HMBOX1: variants seen among roughly 807,000 people sequenced by gnomAD.
HMBOX1 encodes the protein homeobox-containing protein 1.
Under a neutral mutation model 54.5 loss-of-function variants are expected in HMBOX1, and 14 were observed. The observed-to-expected ratio is 0.26, with a 90% CI of 0.17 to 0.40. The LOEUF (loss-of-function observed/expected upper bound fraction) is 0.40, where lower values mean the gene tolerates loss of function less well. Ranked by LOEUF, HMBOX1 falls within the 10% of genes least tolerant of loss-of-function variation. HMBOX1 has a pLI of 1.00. For missense variants in HMBOX1, 332 were observed against 514.4 expected (o/e 0.65, Z 3.43); for synonymous variants, 160 against 181.0 (o/e 0.88, Z 0.93).
chr8:28,893,580 A>G (rs998589996), intron 1 of HMBOX1, among the ~76,000 whole-genome samples: 1 of 152,214 alleles, frequency 6.6e-6, no homozygotes, highest in Non-Finnish European at 1.5e-5. Flanking sequence ...TCACTGCTGT[A>G]CAAACAGATT....
At chr8:29,047,711 G>C (rs1805800617) in intron 8 of HMBOX1, among the ~76,000 whole-genome samples, 1 of 151,946 alleles carries the variant, frequency 6.6e-6, no homozygotes, top group African/African-American at 2.4e-5. Flanking sequence ...GGGATTATAG[G>C]CATGTGCCAC....
At chr8:29,045,297 A>G in intron 6 of HMBOX1, 64 bp from the exon 7 acceptor site, 1 of 1,195,742 alleles carries the variant, frequency 8.4e-7, no homozygotes, top group Non-Finnish European at 1.2e-6. Context: ...TCAGTGAGTT[A>G]GTGTTTTAAT....
chr8:28,898,486 T>C (rs1293654793), intron 1 of HMBOX1, among the ~76,000 whole-genome samples: 1 of 152,204 alleles, frequency 6.6e-6, no homozygotes, highest in Non-Finnish European at 1.5e-5. Flanking sequence ...GTTGTAGGGA[T>C]TCAGCTGTTT....
intron 1 of HMBOX1, chr8:28,949,699 A>ATT (rs1201748756): frequency 6.6e-6 from 1 of 152,228 alleles, no homozygotes; most frequent in Non-Finnish European, 1.5e-5. Context: ...GTAGCAGCTG[A>ATT]GGCTGCAGCA....
intron 1 of HMBOX1, among the ~76,000 whole-genome samples, chr8:28,933,645 G>T (rs1206960963): frequency 1.3e-5 from 2 of 152,144 alleles, no homozygotes; most frequent in Non-Finnish European, 2.9e-5. Context: ...AACGTTGGAA[G>T]AATAATAAGA....
At chr8:29,003,266 G>A (rs1832903577) in intron 4 of HMBOX1, among the ~76,000 whole-genome samples, 1 of 151,718 alleles carries the variant, frequency 6.6e-6, no homozygotes, top group Admixed American at 6.6e-5. Flanking sequence ...TGTACATAGA[G>A]TGTCATTGCA....
chr8:29,051,142 T>C lies in HMBOX1; in HGVS notation c.1250T>C (p.Leu417Pro). The change falls in exon 10 of 10, where the codon CTG becomes CCG. Residue 417 changes from leucine to proline, a missense_variant. Coordinates refer to ENST00000287701, the MANE Select transcript of HMBOX1 (RefSeq NM_001135726.3). ...QGANEIKTEA[L>P]DDD ...GCCAACGAAATCAAGACAGAGGCCC[T>C]GGATGATGACTGATCAGGGAGGTTA... The C allele has an allele frequency of 6.2e-7, 1 of 1,613,894 alleles. No homozygotes were observed. Among genetic ancestry groups the C allele is most frequent in the Non-Finnish European group, 8.5e-7 (1 of 1,179,984 alleles).
chr8:28,911,522 A>AT (rs1407265702), intron 1 of HMBOX1, among the ~76,000 whole-genome samples: 9 of 152,000 alleles, frequency 5.9e-5, no homozygotes, highest in African/African-American at 1.9e-4. Flanking sequence ...TGCCCTGCTA[A>AT]TTTTTGTATT....
At chr8:28,956,681 C>G (rs769751226) in intron 1 of HMBOX1, among the ~76,000 whole-genome samples, 12 of 152,220 alleles carry the variant, frequency 7.9e-5, no homozygotes, top group Admixed American at 2.0e-4. Flanking sequence ...GTGTGCGTTT[C>G]TATGCCAGTG....
chr8:28,902,898 C>A (rs1163619005), intron 1 of HMBOX1, among the ~76,000 whole-genome samples: 1 of 152,136 alleles, frequency 6.6e-6, no homozygotes, highest in East Asian at 1.9e-4. Context: ...TGCAACGTGC[C>A]ATACCAAAAG....
At chr8:28,979,523 G>T (rs1251902561) in intron 3 of HMBOX1, among the ~76,000 whole-genome samples, 2 of 152,148 alleles carry the variant, frequency 1.3e-5, no homozygotes, top group Non-Finnish European at 2.9e-5. Flanking sequence ...TACAGGAAAA[G>T]AAGTTAAAGA....
At chr8:29,020,121 C>T (rs1800948180) in intron 6 of HMBOX1, among the ~76,000 whole-genome samples, 1 of 152,174 alleles carries the variant, frequency 6.6e-6, no homozygotes, top group Admixed American at 6.5e-5. Flanking sequence ...TTACAATCTG[C>T]TCTGCTTTTC....
At chr8:28,913,816 G>C (rs937283098) in intron 1 of HMBOX1, among the ~76,000 whole-genome samples, 1 of 147,826 alleles carries the variant, frequency 6.8e-6, no homozygotes, top group Non-Finnish European at 1.5e-5. Context: ...GCAGTGGCGT[G>C]ATCTCACTGC....
intron 7 of HMBOX1, chr8:29,046,556 G>A (rs1232766671): frequency 6.6e-6 from 1 of 152,232 alleles, no homozygotes; most frequent in Non-Finnish European, 1.5e-5. Flanking sequence ...TACAGTAATG[G>A]ATAGTCATAG....
chr8:29,044,381 G>A (rs1805277491), intron 6 of HMBOX1, among the ~76,000 whole-genome samples: 1 of 152,122 alleles, frequency 6.6e-6, no homozygotes, highest in Admixed American at 6.5e-5. Flanking sequence ...ACTCATGGGT[G>A]ACTGAAAAAG....
At chr8:28,906,204 A>T (rs1016682542) in intron 1 of HMBOX1, among the ~76,000 whole-genome samples, 2 of 152,202 alleles carry the variant, frequency 1.3e-5, no homozygotes, top group African/African-American at 4.8e-5. Context: ...GACTTGTTAA[A>T]GTTGTTAATT....
At chr8:29,008,599 T>C (rs993295117) in intron 4 of HMBOX1, among the ~76,000 whole-genome samples, 1 of 152,218 alleles carries the variant, frequency 6.6e-6, no homozygotes, top group African/African-American at 2.4e-5. Context: ...TCAGTGACCT[T>C]TTGTTTCCTA....
chr8:28,986,216 C>T (rs1830141937), intron 4 of HMBOX1, among the ~76,000 whole-genome samples: 1 of 152,092 alleles, frequency 6.6e-6, no homozygotes, highest in Non-Finnish European at 1.5e-5. Flanking sequence ...ATACAGTTCA[C>T]ATTCCTCCCT....
chr8:28,903,002 T>C (rs944480228), intron 1 of HMBOX1, among the ~76,000 whole-genome samples: 1 of 152,236 alleles, frequency 6.6e-6, no homozygotes, highest in African/African-American at 2.4e-5. Context: ...TCTTTAACAA[T>C]ATATAATGGT....
Sources: allele counts gnomAD v4.1 joint callset (sites outside exome capture counted in the v4.1 genomes callset), GRCh38; gene constraint gnomAD v4.1.1; transcripts MANE v1.5; gene names NCBI Gene and HGNC (gene_info 2026-07-23, HGNC 2026-07-21).